Variants in CENPW observed in about 807,000 individuals in gnomAD.
CENPW encodes the protein centromere protein W, also known as cancer-up-regulated gene 2 protein.
Under a neutral mutation model 11.1 loss-of-function variants are expected in CENPW, and 3 were observed. The observed-to-expected ratio is 0.27, with a 90% CI of 0.12 to 0.70. The LOEUF (loss-of-function observed/expected upper bound fraction) is 0.70. Among genes scored for constraint, CENPW ranks in the 30% least tolerant of loss-of-function variants. The pLI, the probability that CENPW is intolerant of heterozygous loss-of-function variation, is 0.77. For missense variants in CENPW, 100 were observed against 105.6 expected (o/e 0.95, Z 0.23); for synonymous variants, 38 against 42.0 (o/e 0.91, Z 0.37).
chr6:126,348,564 T>G lies in CENPW; in HGVS notation c.*72T>G, dbSNP rs545147059. 7.2e-4 allele frequency: 635 copies of G among 879,426 alleles called. No homozygotes were observed. Among genetic ancestry groups the G allele is most frequent in the Non-Finnish European group, 9.7e-4 (512 of 530,320 alleles). 54.5% of individuals were successfully genotyped at this position (879,426 alleles called of 1,614,324 possible). A position where few individuals can be genotyped will look rare whatever the true frequency, so the allele number is the denominator to read the frequency against. On this transcript the variant is annotated 3_prime_UTR_variant, in exon 3 of 3. Transcript: ENST00000368328. ...GGTAACAGATCATAAAGACATTTTT[T>G]ACACATCAGTTAATATGGGATTATT...
the CENPW span, among the ~76,000 whole-genome samples, chr6:126,446,748 C>T: frequency 6.6e-6 from 1 of 151,126 alleles, no homozygotes; most frequent in African/African-American, 2.4e-5. Context: ...TATTAGATAT[C>T]AACATAGATA....
chr6:126,478,922 G>A, the CENPW span, among the ~76,000 whole-genome samples: 1 of 151,984 alleles, frequency 6.6e-6, no homozygotes, highest in Non-Finnish European at 1.5e-5. Context: ...TCTCTTGATA[G>A]GATTCATTTG....
At chr6:126,371,014 C>T in the CENPW span, among the ~76,000 whole-genome samples, 2 of 152,094 alleles carry the variant, frequency 1.3e-5, no homozygotes, top group Admixed American at 6.5e-5. Context: ...GTAATCCACC[C>T]GCCCTGCCTC....
At chr6:126,455,228 T>C in the CENPW span, among the ~76,000 whole-genome samples, 1 of 151,534 alleles carries the variant, frequency 6.6e-6, no homozygotes, top group African/African-American at 2.4e-5. Context: ...AAGGCTAGCA[T>C]CATCCTGATA....
At position 126,340,406 on chromosome 6, in the gene CENPW, T is replaced by C. The variant is rs1780279486; in HGVS notation, c.126+7T>C. The C allele has an allele frequency of 1.2e-6, 2 of 1,613,964 alleles. No homozygotes were observed. Among genetic ancestry groups the C allele is most frequent in the African/African-American group, 2.7e-5 (2 of 74,898 alleles). On this transcript the variant is annotated splice_region_variant and intron_variant, in intron 1 of 2. Transcript: ENST00000368328. ...GAAAAGTGGTGACTTATTGGTGAGA[T>C]TCCATCCCTTCTCGGGCTGGGAATG...
At chr6:126,478,705 A>T in the CENPW span, among the ~76,000 whole-genome samples, 1 of 152,110 alleles carries the variant, frequency 6.6e-6, no homozygotes, top group African/African-American at 2.4e-5. Flanking sequence ...TAGGCCCTTG[A>T]TATCTGTAGG....
At chr6:126,389,314 G>C in the CENPW span, among the ~76,000 whole-genome samples, 2 of 151,832 alleles carry the variant, frequency 1.3e-5, no homozygotes, top group Non-Finnish European at 2.9e-5. Context: ...AAATTTTACT[G>C]TAAGAGTACT....
chr6:126,440,114 T>C, the CENPW span, among the ~76,000 whole-genome samples: 4 of 151,682 alleles, frequency 2.6e-5, no homozygotes, highest in African/African-American at 9.7e-5. Flanking sequence ...TGGGTCTACT[T>C]ATATTTAAAT....
At chr6:126,471,305 C>G in the CENPW span, among the ~76,000 whole-genome samples, 6 of 152,154 alleles carry the variant, frequency 3.9e-5, no homozygotes, top group Non-Finnish European at 8.8e-5. Flanking sequence ...TGCACTCTCT[C>G]TCTCTCCTGC....
At chr6:126,373,705 A>G in the CENPW span, among the ~76,000 whole-genome samples, 1 of 152,212 alleles carries the variant, frequency 6.6e-6, no homozygotes, top group African/African-American at 2.4e-5. Flanking sequence ...GAACCTCTCC[A>G]TGTGGCCTCT....
intron 2 of CENPW, among the ~76,000 whole-genome samples, chr6:126,347,552 A>C (rs553062074): frequency 6.6e-6 from 1 of 152,268 alleles, no homozygotes; most frequent in Non-Finnish European, 1.5e-5. Flanking sequence ...CTTGTAGGAC[A>C]GAGAAGTACT....
the CENPW span, among the ~76,000 whole-genome samples, chr6:126,458,035 G>T: frequency 6.6e-6 from 1 of 151,334 alleles, no homozygotes; most frequent in East Asian, 1.9e-4. Context: ...GAGAATGCCA[G>T]TCTATATTAT....
At chr6:126,372,457 C>T in the CENPW span, among the ~76,000 whole-genome samples, 10 of 152,070 alleles carry the variant, frequency 6.6e-5, no homozygotes, top group Non-Finnish European at 1.2e-4. Context: ...TACTTGCGAT[C>T]TCAGTTGATG....
intron 1 of CENPW, among the ~76,000 whole-genome samples, chr6:126,344,101 A>G (rs962828971): frequency 3.3e-5 from 5 of 152,314 alleles, no homozygotes; most frequent in South Asian, 2.1e-4. Context: ...GCTGCCTACT[A>G]TGTATTAAGC....
chr6:126,378,127 C>T, the CENPW span, among the ~76,000 whole-genome samples: 5 of 152,152 alleles, frequency 3.3e-5, no homozygotes, highest in Non-Finnish European at 7.4e-5. Flanking sequence ...AAAACAGAAA[C>T]TTAACTTTTC....
At chr6:126,365,334 G>T in the CENPW span, among the ~76,000 whole-genome samples, 1 of 152,198 alleles carries the variant, frequency 6.6e-6, no homozygotes, top group Non-Finnish European at 1.5e-5. Context: ...TATAAGAAAA[G>T]AGGTTTAATT....
At chr6:126,476,086 T>C in the CENPW span, among the ~76,000 whole-genome samples, 2 of 149,006 alleles carry the variant, frequency 1.3e-5, no homozygotes, top group Non-Finnish European at 3.0e-5. Context: ...AGTTTTCCTA[T>C]AGAAAAAAAA....
the CENPW span, among the ~76,000 whole-genome samples, chr6:126,423,808 A>G: frequency 6.6e-6 from 1 of 150,708 alleles, no homozygotes; most frequent in Non-Finnish European, 1.5e-5. Flanking sequence ...CAATCTTTAC[A>G]TTTTAATTTT....
chr6:126,409,638 AT>A, the CENPW span, among the ~76,000 whole-genome samples: 1 of 151,834 alleles, frequency 6.6e-6, no homozygotes, highest in South Asian at 2.1e-4. Flanking sequence ...GTATTCCTGA[AT>A]TTATTCCTTA....
Sources: gnomAD v4.1 joint callset for allele counts (sites outside exome capture counted in the v4.1 genomes callset) on GRCh38, gnomAD v4.1.1 for gene constraint, MANE v1.5 for transcripts, NCBI Gene and HGNC (gene_info 2026-07-23, HGNC 2026-07-21) for gene names.